LRP1B: variants seen among roughly 807,000 people sequenced by gnomAD.
LRP1B encodes low-density lipoprotein receptor-related protein 1B.
LRP1B carries 217 observed loss-of-function variants against 556.6 expected under a neutral mutation model. That is an observed-to-expected ratio of 0.39 (90% CI 0.35 to 0.44). LRP1B has a LOEUF of 0.44. LRP1B is among the 20% of genes least tolerant of loss of function. LRP1B has a pLI of 1.00. For synonymous variants in LRP1B, 2,047 were observed against 1,865.8 expected, an observed-to-expected ratio of 1.10 and a Z score of -2.50; for missense variants, 5,053 against 5,620.8, an observed-to-expected ratio of 0.90 and a Z score of 3.23.
intron 41 of LRP1B, among the ~76,000 whole-genome samples, chr2:140,614,314 T>A (rs911716629): frequency 2.0e-5 from 3 of 152,142 alleles, no homozygotes; most frequent in African/African-American, 7.2e-5. Flanking sequence ...TCCTTCTCTT[T>A]AATTCCATCT....
In LRP1B at chr2:141,451,220, C is replaced by A. The variant is rs541408017; in HGVS notation, c.343+29176G>T. Among the ~76,000 whole-genome samples the A allele has an allele frequency of 3.9e-5, 6 of 152,272 alleles. No homozygotes were observed. In the South Asian group the frequency reaches 1.0e-3, roughly 26 times the overall value. On this transcript the variant is annotated intron_variant, in intron 3 of 90. Coordinates refer to ENST00000389484, the MANE Select transcript of LRP1B (RefSeq NM_018557.3). ...CCTGAGTGTGTGCATGCTTGAAACA[C>A]TAACCCATCTGTGTATGACTTCAAC...
At chr2:141,237,773 T>G (rs1266693374) in intron 5 of LRP1B, among the ~76,000 whole-genome samples, 1 of 152,072 alleles carries the variant, frequency 6.6e-6, no homozygotes, top group African/African-American at 2.4e-5. Context: ...CACAAACATA[T>G]CTTTTCATTT....
At chr2:141,275,732 A>G (rs1234321692) in intron 3 of LRP1B, among the ~76,000 whole-genome samples, 2 of 152,154 alleles carry the variant, frequency 1.3e-5, no homozygotes, top group Non-Finnish European at 2.9e-5. Context: ...AAGAAAAGAA[A>G]TATCAGTATA....
intron 7 of LRP1B, among the ~76,000 whole-genome samples, chr2:141,128,711 C>T (rs1347169901): frequency 6.6e-6 from 1 of 152,218 alleles, no homozygotes; most frequent in Non-Finnish European, 1.5e-5. Flanking sequence ...ACCTCCACCT[C>T]CTGGGTTCAA....
chr2:141,880,114 A>G (rs930680109), intron 1 of LRP1B, among the ~76,000 whole-genome samples: 1 of 151,920 alleles, frequency 6.6e-6, no homozygotes, highest in Non-Finnish European at 1.5e-5. Flanking sequence ...ACTTCTCCAT[A>G]TTCTCTCCAT....
At chr2:141,565,885 A>G (rs2105254954) in intron 2 of LRP1B, among the ~76,000 whole-genome samples, 1 of 152,276 alleles carries the variant, frequency 6.6e-6, no homozygotes, top group Admixed American at 6.5e-5. Flanking sequence ...AATTGAAAAT[A>G]TAACTAACAT....
At chr2:142,112,107 T>C (rs1707010700) in intron 1 of LRP1B, among the ~76,000 whole-genome samples, 1 of 152,062 alleles carries the variant, frequency 6.6e-6, no homozygotes, top group Non-Finnish European at 1.5e-5. Flanking sequence ...ATAACTTACA[T>C]CACAGTTATT....
intron 2 of LRP1B, among the ~76,000 whole-genome samples, chr2:141,787,524 T>C (rs1181292287): frequency 2.7e-5 from 4 of 148,862 alleles, no homozygotes; most frequent in Non-Finnish European, 6.0e-5. Context: ...CTTAGTGTCA[T>C]ACTAGAAAAA....
chr2:140,245,883 A>G (rs1264251811), intron 87 of LRP1B, among the ~76,000 whole-genome samples: 1 of 151,358 alleles, frequency 6.6e-6, no homozygotes, highest in Non-Finnish European at 1.5e-5. Flanking sequence ...TAAGGAGAGC[A>G]CACAAATTCT....
chr2:141,843,894 C>T (rs958506363), intron 1 of LRP1B, among the ~76,000 whole-genome samples: 3 of 152,050 alleles, frequency 2.0e-5, no homozygotes, highest in African/African-American at 7.2e-5. Context: ...CCTCATTTAC[C>T]CAGCAAATGC....
intron 41 of LRP1B, among the ~76,000 whole-genome samples, chr2:140,680,104 A>G (rs1382998518): frequency 1.3e-5 from 2 of 152,090 alleles, no homozygotes; most frequent in Non-Finnish European, 2.9e-5. Context: ...ATTCTTACAC[A>G]TACACCTCGT....
At position 140,385,933 on chromosome 2, in the gene LRP1B, G is replaced by A. The variant is rs2105198541; in HGVS notation, c.10491C>T (p.Ser3497=). The A allele has an allele frequency of 6.2e-7, 1 of 1,613,158 alleles. No homozygotes were observed. Among genetic ancestry groups the A allele is most frequent in the Non-Finnish European group, 8.5e-7 (1 of 1,179,308 alleles). The change falls in exon 67 of 91, where the codon AGC becomes AGT. Residue 3497 remains serine (S), a synonymous_variant. Coordinates refer to ENST00000389484, the MANE Select transcript of LRP1B (RefSeq NM_018557.3). The part of the protein sequence containing the change: ...NCIPDHWRCD[S]QNDCSDNSDE... Reference sequence around the variant, plus strand: ...CTGAATTATCACTGCAGTCATTTTGGCTATCACACCGCCAGTGATCGGGAA... The same window carrying A: ...CTGAATTATCACTGCAGTCATTTTGACTATCACACCGCCAGTGATCGGGAA...
chr2:141,429,325 C>T (rs1680483027), intron 3 of LRP1B, among the ~76,000 whole-genome samples: 1 of 152,072 alleles, frequency 6.6e-6, no homozygotes, highest in South Asian at 2.1e-4. Flanking sequence ...TAATGGCACT[C>T]CCAAGTAATA....
intron 47 of LRP1B, among the ~76,000 whole-genome samples, chr2:140,532,439 C>T (rs906848008): frequency 6.6e-6 from 1 of 151,946 alleles, no homozygotes; most frequent in African/African-American, 2.4e-5. Flanking sequence ...ACTCTATCAC[C>T]AAGCTGGAGT....
chr2:140,658,366 T>C (rs978439624), intron 41 of LRP1B, among the ~76,000 whole-genome samples: 10 of 152,046 alleles, frequency 6.6e-5, no homozygotes, highest in Non-Finnish European at 1.2e-4. Context: ...CAAAAGTTGG[T>C]ATATTAGCCA....
intron 55 of LRP1B, among the ~76,000 whole-genome samples, chr2:140,498,653 T>A (rs973926012): frequency 4.5e-4 from 68 of 151,940 alleles, no homozygotes; most frequent in African/African-American, 1.6e-3. Flanking sequence ...GTTTTCACCA[T>A]TCTCTGAAAC....
chr2:141,029,589 A>T (rs1698309541), intron 11 of LRP1B, among the ~76,000 whole-genome samples: 1 of 152,086 alleles, frequency 6.6e-6, no homozygotes, highest in Non-Finnish European at 1.5e-5. Flanking sequence ...GAAAGTGCTG[A>T]TCTCTAGGCC....
At chr2:141,218,287 T>C (rs1374262884) in intron 6 of LRP1B, among the ~76,000 whole-genome samples, 1 of 152,180 alleles carries the variant, frequency 6.6e-6, no homozygotes, top group Non-Finnish European at 1.5e-5. Flanking sequence ...TTACTAGGTA[T>C]ATACACAAAG....
intron 43 of LRP1B, among the ~76,000 whole-genome samples, chr2:140,558,758 G>T (rs2046474): frequency 2.6e-5 from 4 of 151,646 alleles, no homozygotes; most frequent in African/African-American, 9.7e-5. Flanking sequence ...GGGCAACATG[G>T]CAACAACCTC....
Sources: gnomAD v4.1 joint callset for allele counts (sites outside exome capture counted in the v4.1 genomes callset) on GRCh38, gnomAD v4.1.1 for gene constraint, MANE v1.5 for transcripts, NCBI Gene and HGNC (gene_info 2026-07-23, HGNC 2026-07-21) for gene names.